HS3ST5: variants seen among roughly 807,000 people sequenced by gnomAD.
The protein encoded by HS3ST5 is heparan sulfate glucosamine 3-O-sulfotransferase 5.
In HS3ST5, 10 loss-of-function variants were observed where a neutral mutation model predicts 25.4. The ratio of observed to expected loss-of-function variants is 0.39; its 90% confidence interval spans 0.24 to 0.67. The LOEUF (loss-of-function observed/expected upper bound fraction) is 0.67. Ranked by LOEUF, HS3ST5 falls within the 30% of genes least tolerant of loss-of-function variation. The pLI is 0.44. For synonymous variants in HS3ST5, 170 were observed against 162.4 expected (o/e 1.05, Z -0.36); for missense variants, 324 against 420.7 (o/e 0.77, Z 2.01).
chr6:114,099,735 C>T (rs1775627984), intron 3 of HS3ST5, among the ~76,000 whole-genome samples: 1 of 152,132 alleles, frequency 6.6e-6, no homozygotes. Context: ...GACCCCTCTC[C>T]TCTTCCACAC....
chr6:114,161,574 T>TATATATATATATATATAA (rs1396381241), intron 3 of HS3ST5, among the ~76,000 whole-genome samples: 2 of 102,414 alleles, frequency 2.0e-5, no homozygotes, highest in Non-Finnish European at 4.0e-5. Context: ...TATATATATA[T>TATATATATATATATATAA]AAAATGCAAT....
intron 3 of HS3ST5, among the ~76,000 whole-genome samples, chr6:114,128,749 G>A (rs557871955): frequency 1.3e-5 from 2 of 152,324 alleles, no homozygotes; most frequent in East Asian, 3.9e-4. Flanking sequence ...ACTGCTGAGA[G>A]TAAAAGGTAC....
intron 2 of HS3ST5, among the ~76,000 whole-genome samples, chr6:114,172,568 C>A (rs774277461): frequency 6.6e-6 from 1 of 152,208 alleles, no homozygotes; most frequent in Non-Finnish European, 1.5e-5. Flanking sequence ...CTTTGTAAAT[C>A]TTGCTAAGGC....
intron 2 of HS3ST5, among the ~76,000 whole-genome samples, chr6:114,222,913 A>G (rs192104885): frequency 5.8e-4 from 88 of 151,962 alleles, no homozygotes; most frequent in Middle Eastern, 6.8e-3. Flanking sequence ...TTATTCTTGT[A>G]TCAGCAGACA....
In HS3ST5 at chr6:114,320,922, A is replaced by C. The variant is rs536497023; in HGVS notation, c.-339+21273T>G. Among the ~76,000 whole-genome samples the C allele has an allele frequency of 3.3e-3, 363 of 110,522 alleles. 1 individual carries two copies. Among genetic ancestry groups the C allele is most frequent in the Middle Eastern group, 0.024 (5 of 210 alleles). 72.5% of individuals were successfully genotyped at this position (110,522 alleles called of 152,430 possible). On this transcript the variant is annotated intron_variant, in intron 1 of 4. Coordinates refer to ENST00000312719, the MANE Select transcript of HS3ST5 (RefSeq NM_153612.4). ...TCTCTCTCTCTCTCTCTCTATATAT[A>C]TATATATATACATATATAATATATA...
chr6:114,147,360 G>A (rs953386093), intron 3 of HS3ST5, among the ~76,000 whole-genome samples: 2 of 152,142 alleles, frequency 1.3e-5, no homozygotes, highest in African/African-American at 4.8e-5. Flanking sequence ...GAAGTGATGT[G>A]TGCAACTTCC....
rs1281434816 is a variant in HS3ST5 at position 114,245,922 on chromosome 6, T to TA, written c.-338-17145dup. On this transcript the variant is annotated intron_variant, in intron 1 of 4. Transcript: ENST00000312719. ...AAAAACACTATGCTTTATACTGACA[T>TA]AAAGGTAAAAATTTTCGTGGAAAGG... Among the ~76,000 whole-genome samples the TA allele has an allele frequency of 2.0e-5, 3 of 152,254 alleles. No individual in the cohort carries two copies. In the East Asian group the frequency reaches 5.8e-4, roughly 29 times the overall value.
intron 2 of HS3ST5, among the ~76,000 whole-genome samples, chr6:114,185,697 T>G (rs903681786): frequency 6.6e-6 from 1 of 152,120 alleles, no homozygotes; most frequent in African/African-American, 2.4e-5. Flanking sequence ...GCTTTTTCAT[T>G]ATTAATATAT....
In HS3ST5 at chr6:114,056,388, T is replaced by G. The variant is rs1772772413; in HGVS notation, c.*869A>C. The G allele has an allele frequency of 6.6e-6, 1 of 151,744 alleles. No individual in the cohort carries two copies. Among genetic ancestry groups the G allele is most frequent in the Non-Finnish European group, 1.5e-5 (1 of 67,998 alleles). 9.4% of individuals were successfully genotyped at this position (151,744 alleles called of 1,614,324 possible). On this transcript the variant is annotated 3_prime_UTR_variant, in exon 5 of 5. Transcript: ENST00000312719. ...CTTTCCAAGTGCTCTCATATGCACG[T>G]AAACAGCTTCCATTTTGGAAGCCAG...
intron 1 of HS3ST5, chr6:114,251,733 C>T (rs12663097): frequency 0.046 from 6,971 of 152,190 alleles, 179 homozygotes; most frequent in Middle Eastern, 0.075. Context: ...AACACATAAC[C>T]CCAGGAGCTG....
In HS3ST5 at chr6:114,342,373, G is replaced by T; in HGVS notation, c.-517C>A. The T allele has an allele frequency of 5.6e-6, 1 of 180,170 alleles. No homozygotes were observed. The highest frequency in any genetic ancestry group is 1.1e-5 in the Non-Finnish European group (1 of 90,432). 11.2% of individuals were successfully genotyped at this position (180,170 alleles called of 1,614,324 possible). ...GGCGTGAATGAGAGCAAACCAACAGGGCTGTGCGTGGCGCGTGTGAGTAAG... is the reference window on the plus strand; with the variant it reads ...GGCGTGAATGAGAGCAAACCAACAGTGCTGTGCGTGGCGCGTGTGAGTAAG... On this transcript the variant is annotated 5_prime_UTR_variant, in exon 1 of 5. Coordinates refer to ENST00000312719, the MANE Select transcript of HS3ST5 (RefSeq NM_153612.4).
At chr6:114,187,101 A>T (rs1044692570) in intron 2 of HS3ST5, among the ~76,000 whole-genome samples, 4 of 152,208 alleles carry the variant, frequency 2.6e-5, no homozygotes, top group Non-Finnish European at 5.9e-5. Flanking sequence ...AAGAGTTCTG[A>T]TGGTGATATA....
In HS3ST5 at chr6:114,057,444, T is replaced by C; in HGVS notation, c.854A>G (p.Tyr285Cys). ...LPPRISQYNL[Y>C]FNATRGFYCL... ...GTAAAACCCTCTGGTAGCATTGAAG[T>C]ATAAATTGTATTGACTTATCCTTGG... The change falls in exon 5 of 5, where the codon TAC becomes TGC. Residue 285 changes from tyrosine (Y) to cysteine (C), a missense_variant. Coordinates refer to ENST00000312719, the MANE Select transcript of HS3ST5 (RefSeq NM_153612.4). The C allele has an allele frequency of 6.2e-7, 1 of 1,614,148 alleles. No homozygotes were observed. Among genetic ancestry groups the C allele is most frequent in the Non-Finnish European group, 8.5e-7 (1 of 1,180,014 alleles).
chr6:114,240,034 A>C (rs898324741), intron 1 of HS3ST5, among the ~76,000 whole-genome samples: 1 of 150,900 alleles, frequency 6.6e-6, no homozygotes, highest in South Asian at 2.1e-4. Flanking sequence ...ACACACACAC[A>C]CCGCTTACTC....
chr6:114,251,898 A>G (rs183119581), intron 1 of HS3ST5: 1 of 152,334 alleles, frequency 6.6e-6, no homozygotes, highest in Non-Finnish European at 1.5e-5. Context: ...TTACATGACA[A>G]TAAATTGTCT....
chr6:114,093,751 G>T (rs1239167154), intron 3 of HS3ST5, among the ~76,000 whole-genome samples: 1 of 151,970 alleles, frequency 6.6e-6, no homozygotes, highest in Admixed American at 6.6e-5. Context: ...CAAAAAAAAC[G>T]AAAACAAGCC....
intron 1 of HS3ST5, among the ~76,000 whole-genome samples, chr6:114,280,079 A>G (rs1000228797): frequency 1.3e-5 from 2 of 151,842 alleles, no homozygotes; most frequent in African/African-American, 4.8e-5. Flanking sequence ...CAAAGAAGTG[A>G]TATCTAAGTG....
chr6:114,062,680 G>C, intron 4 of HS3ST5, 59 bp downstream of exon 4: 1 of 1,071,092 alleles, frequency 9.3e-7, no homozygotes, highest in Non-Finnish European at 1.4e-6. Flanking sequence ...TATGTCCTAA[G>C]GAAGTTTAAA....
chr6:114,186,084 G>T (rs532390745), intron 2 of HS3ST5, among the ~76,000 whole-genome samples: 1 of 151,742 alleles, frequency 6.6e-6, no homozygotes, highest in South Asian at 2.1e-4. Flanking sequence ...CCCCTATCTC[G>T]CTTCCTCTCC....
Sources: gnomAD v4.1 joint callset for allele counts (sites outside exome capture counted in the v4.1 genomes callset) on GRCh38, gnomAD v4.1.1 for gene constraint, MANE v1.5 for transcripts, NCBI Gene and HGNC (gene_info 2026-07-23, HGNC 2026-07-21) for gene names.